POTEJ: variants seen among roughly 807,000 people sequenced by gnomAD.
POTEJ encodes the protein POTE ankyrin domain family, member J.
POTEJ carries 11 observed loss-of-function variants against 69.0 expected under a neutral mutation model. That is an observed-to-expected ratio of 0.16 (90% CI 0.10 to 0.26). POTEJ has a LOEUF of 0.26. Ranked by LOEUF, POTEJ falls within the 10% of genes least tolerant of loss-of-function variation. The probability of loss-of-function intolerance (pLI) is 1.00; values close to 1 mark genes in which losing one functional copy is unlikely to be tolerated. For synonymous variants in POTEJ, 117 were observed against 381.1 expected, an observed-to-expected ratio of 0.31 and a Z score of 8.07; for missense variants, 327 against 1,045.5, an observed-to-expected ratio of 0.31 and a Z score of 9.48.
chr2:130,637,184 TTTATA>T lies in POTEJ; in HGVS notation c.1299-1431_1299-1427del, dbSNP rs551497062. On this transcript the variant is annotated intron_variant, in intron 9 of 14. Coordinates refer to ENST00000409602, the MANE Select transcript of POTEJ (RefSeq NM_001277083.2). ...TGGCTCTTTATAATAAGCTACATTG[TTTATA>T]TTAATTTTTTTATTTAGGGAGAAAA... Among the ~76,000 whole-genome samples the T allele has an allele frequency of 3.4e-3, 509 of 151,464 alleles. 2 individuals are homozygous for T. The highest frequency in any genetic ancestry group is 0.012 in the African/African-American group (480 of 41,378).
intron 1 of POTEJ, among the ~76,000 whole-genome samples, chr2:130,614,675 G>GAC (rs764595112): frequency 5.0e-3 from 674 of 134,938 alleles, no homozygotes; most frequent in Admixed American, 7.5e-3. Context: ...TCTTATCTGT[G>GAC]ATTTCTGCAA....
intron 9 of POTEJ, among the ~76,000 whole-genome samples, chr2:130,638,151 G>T (rs1399640867): frequency 6.7e-6 from 1 of 150,218 alleles, no homozygotes; most frequent in African/African-American, 2.4e-5. Context: ...CAGTCATAAA[G>T]TTTAGGAACA....
At chr2:130,628,837 G>T (rs1685799653) in intron 6 of POTEJ, among the ~76,000 whole-genome samples, 1 of 149,990 alleles carries the variant, frequency 6.7e-6, no homozygotes, top group African/African-American at 2.5e-5. Context: ...ATGGCCAATG[G>T]TGAAACCCCA....
chr2:130,632,718 G>A (rs563016003), intron 9 of POTEJ, 62 bp downstream of exon 9: 8 of 850,324 alleles, frequency 9.4e-6, no homozygotes, highest in African/African-American at 1.9e-5. Flanking sequence ...CCCTAGTTTG[G>A]GCTAATATTC....
intron 5 of POTEJ, chr2:130,622,739 T>C (rs1328921287): frequency 4.0e-5 from 6 of 151,224 alleles, no homozygotes; most frequent in African/African-American, 1.5e-4. Flanking sequence ...CAGGAAGCCA[T>C]TGAAGAGAAT....
intron 6 of POTEJ, among the ~76,000 whole-genome samples, chr2:130,625,077 G>C (rs1685654131): frequency 1.3e-5 from 2 of 152,174 alleles, no homozygotes; most frequent in African/African-American, 4.8e-5. Context: ...ACATTATATA[G>C]TCCAAACTGT....
At chr2:130,641,366 T>C (rs528177478) in intron 10 of POTEJ, among the ~76,000 whole-genome samples, 1 of 149,904 alleles carries the variant, frequency 6.7e-6, no homozygotes, top group African/African-American at 2.4e-5. Flanking sequence ...TTACTTATTT[T>C]ACTATGTTGG....
intron 10 of POTEJ, among the ~76,000 whole-genome samples, chr2:130,641,978 C>T (rs1309388107): frequency 1.3e-5 from 2 of 152,030 alleles, no homozygotes; most frequent in African/African-American, 4.8e-5. Flanking sequence ...GAATGATACT[C>T]TCCATGACCT....
chr2:130,625,649 A>AT (rs1170215067), intron 6 of POTEJ, among the ~76,000 whole-genome samples: 1 of 146,510 alleles, frequency 6.8e-6, no homozygotes, highest in East Asian at 1.9e-4. Context: ...ATCTAATGAG[A>AT]TTGCCTGTTT....
chr2:130,632,930 G>A (rs1359027507), intron 9 of POTEJ, among the ~76,000 whole-genome samples: 38 of 147,140 alleles, frequency 2.6e-4, no homozygotes, highest in Admixed American at 1.3e-3. Context: ...TACATGTGCA[G>A]GGTTATTATA....
At chr2:130,622,613 G>C (rs1181672803) in intron 5 of POTEJ, among the ~76,000 whole-genome samples, 1 of 138,802 alleles carries the variant, frequency 7.2e-6, no homozygotes, top group South Asian at 2.2e-4. Context: ...CCCCTGAGCA[G>C]TGGCTCCCAG....
In POTEJ at chr2:130,656,837, G is replaced by C. The variant is rs199621042; in HGVS notation, c.2077G>C (p.Val693Leu). 6.6e-3 allele frequency: 10,628 copies of C among 1,598,284 alleles called. 169 individuals carry two copies. The highest frequency in any genetic ancestry group is 8.2e-3 in the Non-Finnish European group (9,632 of 1,171,272). ...TGCGGGCGACGATGCCCCCCGGGCT[G>C]TCTTCCCTTCCATCGTGGGGTGCCC... ...GFAGDDAPRA[V>L]FPSIVGCPRQ... is the part of the protein sequence containing the mutation. The change falls in exon 15 of 15, where the codon GTC becomes CTC. Residue 693 changes from valine to leucine, a missense_variant. Val to Leu is a conservative substitution (Grantham distance 32). Coordinates refer to ENST00000409602, the MANE Select transcript of POTEJ (RefSeq NM_001277083.2).
At chr2:130,656,119 T>G (rs1686977548) in intron 14 of POTEJ, among the ~76,000 whole-genome samples, 1 of 145,642 alleles carries the variant, frequency 6.9e-6, no homozygotes, top group Admixed American at 6.8e-5. Flanking sequence ...CTAAGGCTCT[T>G]AGGATGGTGT....
chr2:130,639,022 C>T (rs1330305465), intron 10 of POTEJ, among the ~76,000 whole-genome samples: 1 of 152,264 alleles, frequency 6.6e-6, no homozygotes, highest in Non-Finnish European at 1.5e-5. Context: ...ACCTAGATCC[C>T]TCAGATGGGC....
intron 13 of POTEJ, among the ~76,000 whole-genome samples, chr2:130,651,825 C>A (rs1461456041): frequency 6.9e-6 from 1 of 145,516 alleles, no homozygotes; most frequent in Non-Finnish European, 1.5e-5. Context: ...TTTCTGCTGG[C>A]AAATCTAGCT....
intron 1 of POTEJ, among the ~76,000 whole-genome samples, chr2:130,613,047 A>T (rs1685270698): frequency 7.4e-6 from 1 of 135,932 alleles, no homozygotes; most frequent in Non-Finnish European, 1.6e-5. Context: ...GTAAGAATTT[A>T]GCACTTGATA....
At chr2:130,636,875 G>A (rs1164850565) in intron 9 of POTEJ, among the ~76,000 whole-genome samples, 8 of 147,226 alleles carry the variant, frequency 5.4e-5, no homozygotes, top group African/African-American at 1.7e-4. Flanking sequence ...GGCGGATCAC[G>A]AGGTCAGGAG....
At chr2:130,637,142 C>T (rs1167677940) in intron 9 of POTEJ, among the ~76,000 whole-genome samples, 4 of 149,150 alleles carry the variant, frequency 2.7e-5, no homozygotes, top group Non-Finnish European at 4.5e-5. Context: ...TAATTGTCTG[C>T]ATTTTTAAAA....
Position 130,639,984 on chromosome 2 carries a change from A to G in POTEJ, c.1369+1295A>G, listed in dbSNP as rs552185048. ...CTTTATTCAGTGCTTACTGTGTGCT[A>G]GATGCCCACTGGAATCTTATAATTA... On this transcript the variant is annotated intron_variant, in intron 10 of 14. Coordinates refer to ENST00000409602, the MANE Select transcript of POTEJ (RefSeq NM_001277083.2). Among the ~76,000 whole-genome samples, 421 of 151,920 alleles carry G rather than the reference A, an allele frequency of 2.8e-3. 1 individual carries two copies. Among genetic ancestry groups the G allele is most frequent in the Middle Eastern group, 0.01 (3 of 294 alleles).
Sources: gnomAD v4.1 joint callset for allele counts (sites outside exome capture counted in the v4.1 genomes callset) on GRCh38, gnomAD v4.1.1 for gene constraint, MANE v1.5 for transcripts, NCBI Gene and HGNC (gene_info 2026-07-23, HGNC 2026-07-21) for gene names.